The following ADCY2 variants were observed in gnomAD, a reference collection of about 807,000 sequenced individuals.
ADCY2 encodes adenylate cyclase type 2.
In ADCY2, 31 loss-of-function variants were observed where a neutral mutation model predicts 125.2. That is an observed-to-expected ratio of 0.25 (90% CI 0.19 to 0.33). The LOEUF is 0.33. Ranked by LOEUF, ADCY2 falls within the 10% of genes least tolerant of loss-of-function variation. ADCY2 has a pLI of 1.00. For synonymous variants in ADCY2, 512 were observed against 548.4 expected (o/e 0.93, Z 0.93); for missense variants, 904 against 1,418.2 (o/e 0.64, Z 5.82).
chr5:7,517,147 G>A (rs1378546491), intron 2 of ADCY2, among the ~76,000 whole-genome samples: 5 of 152,144 alleles, frequency 3.3e-5, no homozygotes, highest in East Asian at 1.9e-4. Flanking sequence ...AGGCAAGTGC[G>A]GAGCTGGAGT....
intron 5 of ADCY2, among the ~76,000 whole-genome samples, chr5:7,692,530 A>T (rs4702487): frequency 1.3e-5 from 2 of 152,270 alleles, no homozygotes; most frequent in East Asian, 1.9e-4. Context: ...GGTTTGTGAG[A>T]GTTTTGCCTA....
chr5:7,542,781 T>C (rs1735034412), intron 3 of ADCY2, among the ~76,000 whole-genome samples: 1 of 152,230 alleles, frequency 6.6e-6, no homozygotes, highest in South Asian at 2.1e-4. Flanking sequence ...CAATCACTTC[T>C]GCACAATACC....
chr5:7,698,623 T>C (rs1579328552), intron 7 of ADCY2, among the ~76,000 whole-genome samples: 1 of 152,252 alleles, frequency 6.6e-6, no homozygotes, highest in East Asian at 1.9e-4. Flanking sequence ...CACTTATGAG[T>C]GAGAACATGC....
chr5:7,518,779 A>G (rs529789619), intron 2 of ADCY2, among the ~76,000 whole-genome samples: 3 of 152,244 alleles, frequency 2.0e-5, no homozygotes, highest in Admixed American at 1.3e-4. Flanking sequence ...GAAGGTGCTC[A>G]GAGTCCACCC....
chr5:7,512,218 CAAAAAAAAAAAA>C (rs57381383), intron 2 of ADCY2, among the ~76,000 whole-genome samples: 1 of 57,920 alleles, frequency 1.7e-5, no homozygotes, highest in African/African-American at 7.9e-5. Context: ...ATGACTCCAT[CAAAAAAAAAAAA>C]AAAAAAAAAA....
At chr5:7,479,134 T>TTATA (rs1742629844) in intron 2 of ADCY2, among the ~76,000 whole-genome samples, 1 of 152,132 alleles carries the variant, frequency 6.6e-6, no homozygotes, top group Admixed American at 6.5e-5. Context: ...GATTCATGAA[T>TTATA]TATAGTTCAT....
intron 3 of ADCY2, among the ~76,000 whole-genome samples, chr5:7,529,626 C>T (rs1734580735): frequency 6.6e-6 from 1 of 152,184 alleles, no homozygotes; most frequent in African/African-American, 2.4e-5. Context: ...CTCTGCTTCT[C>T]CTACTTCACA....
At chr5:7,503,644 T>C (rs1010644063) in intron 2 of ADCY2, among the ~76,000 whole-genome samples, 8 of 152,258 alleles carry the variant, frequency 5.3e-5, no homozygotes, top group Admixed American at 2.0e-4. Context: ...AAATAGCTCA[T>C]AGGACTGTTG....
intron 1 of ADCY2, among the ~76,000 whole-genome samples, chr5:7,409,195 C>T (rs1193694308): frequency 6.6e-6 from 1 of 152,048 alleles, no homozygotes; most frequent in East Asian, 1.9e-4. Flanking sequence ...CACGTGGACA[C>T]ATAGAGGGGA....
chr5:7,684,216 A>AT (rs1455818432), intron 4 of ADCY2, among the ~76,000 whole-genome samples: 3 of 152,052 alleles, frequency 2.0e-5, no homozygotes, highest in Non-Finnish European at 4.4e-5. Context: ...CCTTTGGGTG[A>AT]TTTTCTCACA....
intron 4 of ADCY2, among the ~76,000 whole-genome samples, chr5:7,647,232 T>C (rs1738929751): frequency 6.6e-6 from 1 of 152,204 alleles, no homozygotes; most frequent in African/African-American, 2.4e-5. Flanking sequence ...TTCTGTTTGG[T>C]TGATTTTTAA....
intron 3 of ADCY2, among the ~76,000 whole-genome samples, chr5:7,547,205 T>A (rs543910725): frequency 6.6e-6 from 1 of 152,312 alleles, no homozygotes; most frequent in South Asian, 2.1e-4. Flanking sequence ...GCTTTCTTAC[T>A]TGATTTATTC....
intron 2 of ADCY2, among the ~76,000 whole-genome samples, chr5:7,433,786 G>A (rs571110585): frequency 7.9e-5 from 12 of 152,204 alleles, no homozygotes; most frequent in African/African-American, 2.6e-4. Flanking sequence ...TATGTGGCAG[G>A]GGTGAAATTA....
chr5:7,545,841 A>G (rs1174367137), intron 3 of ADCY2, among the ~76,000 whole-genome samples: 2 of 152,130 alleles, frequency 1.3e-5, no homozygotes, highest in Admixed American at 6.5e-5. Flanking sequence ...CAGTTCAGCT[A>G]TGGTAACTGG....
Position 7,666,246 on chromosome 5 carries a change from G to C in ADCY2, c.721-24445G>C, listed in dbSNP as rs115713839. 2.1e-3 allele frequency among the ~76,000 whole-genome samples: 325 copies of C among 152,040 alleles called. 3 individuals are homozygous for C. The highest frequency in any genetic ancestry group is 7.3e-3 in the African/African-American group (302 of 41,448). On this transcript the variant is annotated intron_variant, in intron 4 of 24. Coordinates refer to ENST00000338316, the MANE Select transcript of ADCY2 (RefSeq NM_020546.3). The stretch of plus-strand genomic sequence containing the variant: ...ACATGTTAAAGAGGCCATTTCCTAG[G>C]CTGCCAGGAGGAAAGGAACTAGCAT...
chr5:7,724,280 T>G (rs927205208), intron 12 of ADCY2, among the ~76,000 whole-genome samples: 3 of 152,138 alleles, frequency 2.0e-5, no homozygotes, highest in Non-Finnish European at 4.4e-5. Context: ...CCCTTGAGTT[T>G]CAATTGATAT....
intron 3 of ADCY2, among the ~76,000 whole-genome samples, chr5:7,573,018 A>G (rs1424654302): frequency 1.3e-5 from 2 of 152,128 alleles, no homozygotes; most frequent in Non-Finnish European, 2.9e-5. Context: ...TGAAGAGACA[A>G]TTAGGACACA....
At chr5:7,425,143 C>T (rs1331030153) in intron 2 of ADCY2, among the ~76,000 whole-genome samples, 1 of 152,142 alleles carries the variant, frequency 6.6e-6, no homozygotes, top group Admixed American at 6.5e-5. Flanking sequence ...TCTGGAAGAG[C>T]CTCCTAGGGA....
chr5:7,773,245 G>A, intron 18 of ADCY2, 144 bp downstream of exon 18: 2 of 834,996 alleles, frequency 2.4e-6, no homozygotes. Context: ...TGATGCCTCA[G>A]AAAGACAATA....
Sources: allele counts gnomAD v4.1 joint callset (sites outside exome capture counted in the v4.1 genomes callset), GRCh38; gene constraint gnomAD v4.1.1; transcripts MANE v1.5; gene names NCBI Gene and HGNC (gene_info 2026-07-23, HGNC 2026-07-21).